LARGE1: variants seen among roughly 807,000 people sequenced by gnomAD.
LARGE1 encodes the protein xylosyl- and glucuronyltransferase LARGE1.
Under a neutral mutation model 87.6 loss-of-function variants are expected in LARGE1, and 43 were observed. That is an observed-to-expected ratio of 0.49 (90% CI 0.38 to 0.63). The LOEUF is 0.63. Ranked by LOEUF, LARGE1 falls within the 30% of genes least tolerant of loss-of-function variation. The probability of loss-of-function intolerance (pLI) is 0.00; values close to 1 mark genes in which losing one functional copy is unlikely to be tolerated. For missense variants in LARGE1, 802 were observed against 1,000.2 expected (o/e 0.80, Z 2.67); for synonymous variants, 434 against 394.6 (o/e 1.10, Z -1.18).
chr22:33,530,461 CTT>C lies in LARGE1; in HGVS notation c.787+34385_787+34386del, dbSNP rs5845091. Among the ~76,000 whole-genome samples, 932 of 128,826 alleles carry C rather than the reference CTT, an allele frequency of 7.2e-3. 6 individuals carry two copies. The highest frequency in any genetic ancestry group is 0.012 in the Middle Eastern group (3 of 244). The allele number at this position is 128,826 out of a possible 152,430, so 84.5% of individuals were successfully genotyped here. A position where few individuals can be genotyped will look rare whatever the true frequency, so the allele number is the denominator to read the frequency against. On this transcript the variant is annotated intron_variant, in intron 6 of 14. Coordinates refer to ENST00000397394, the MANE Select transcript of LARGE1 (RefSeq NM_133642.5). ...CCTATTGGAAAGACTCTTGCTGAGG[CTT>C]TTTTTTTTTTTTTTTTAGCCATCAG...
the LARGE1 span, among the ~76,000 whole-genome samples, chr22:33,068,295 C>T: frequency 1.1e-4 from 16 of 152,086 alleles, no homozygotes; most frequent in Non-Finnish European, 1.9e-4. Flanking sequence ...TCTTCTTTCC[C>T]CCAAATATCT....
intron 11 of LARGE1, among the ~76,000 whole-genome samples, chr22:33,263,400 T>C (rs1466862328): frequency 6.6e-6 from 1 of 152,234 alleles, no homozygotes; most frequent in Admixed American, 6.5e-5. Flanking sequence ...AAGGGAGAAG[T>C]GCTCTTGCTG....
chr22:33,713,024 C>T (rs766489077), intron 2 of LARGE1, among the ~76,000 whole-genome samples: 5 of 152,126 alleles, frequency 3.3e-5, no homozygotes, highest in Non-Finnish European at 7.3e-5. Flanking sequence ...TATGGGACCT[C>T]TCCATCTTGA....
intron 7 of LARGE1, among the ~76,000 whole-genome samples, chr22:33,429,341 C>T (rs1027090969): frequency 6.6e-6 from 1 of 152,180 alleles, no homozygotes; most frequent in Non-Finnish European, 1.5e-5. Flanking sequence ...GGACACATCA[C>T]TTCAACAGGG....
intron 11 of LARGE1, among the ~76,000 whole-genome samples, chr22:33,266,048 C>A (rs1927913445): frequency 6.6e-6 from 1 of 151,836 alleles, no homozygotes; most frequent in African/African-American, 2.4e-5. Flanking sequence ...AGCAAAGATT[C>A]CTTAATCTTG....
chr22:33,761,502 C>T lies in LARGE1; in HGVS notation c.-26G>A, dbSNP rs748658940. ...CCTCTCAGAAGTGGCAATCCCTAAT[C>T]CCAGCGCCGTTTCTCTGTCCGGAGC... On this transcript the variant is annotated 5_prime_UTR_variant, in exon 2 of 15. Coordinates refer to ENST00000397394, the MANE Select transcript of LARGE1 (RefSeq NM_133642.5). 2.5e-6 allele frequency: 4 copies of T among 1,568,752 alleles called. No individual in the cohort carries two copies. The South Asian group carries it at 3.3e-5, about 13-fold the overall frequency.
intron 6 of LARGE1, among the ~76,000 whole-genome samples, chr22:33,517,044 G>A (rs1240691418): frequency 6.6e-6 from 1 of 152,170 alleles, no homozygotes; most frequent in Non-Finnish European, 1.5e-5. Flanking sequence ...TTAAAAAAGG[G>A]ACGAGGAGTG....
chr22:33,098,359 C>T, the LARGE1 span, among the ~76,000 whole-genome samples: 1 of 152,142 alleles, frequency 6.6e-6, no homozygotes, highest in Non-Finnish European at 1.5e-5. Flanking sequence ...GTGGCTCAAG[C>T]CTGTAATCCC....
At chr22:33,404,387 C>T in intron 7 of LARGE1, among the ~76,000 whole-genome samples, 1 of 152,202 alleles carries the variant, frequency 6.6e-6, no homozygotes, top group South Asian at 2.1e-4. Context: ...ATTTGCAATG[C>T]CACATTTATA....
rs1250418344 is a variant in LARGE1 at position 33,626,102 on chromosome 22, C to T, written c.491+142G>A. ...AACATTGTTAACACAATCATCTCCT[C>T]AGGGTTTCAGACAAAAATTACATTT... On this transcript the variant is annotated intron_variant, in intron 4 of 14. Coordinates refer to ENST00000397394, the MANE Select transcript of LARGE1 (RefSeq NM_133642.5). 12 of 724,460 alleles carry T rather than the reference C, an allele frequency of 1.7e-5. No individual in the cohort carries two copies. The Admixed American group carries it at 2.4e-4, about 15-fold the overall frequency. The allele number at this position is 724,460 out of a possible 1,614,324, so 44.9% of individuals were successfully genotyped here.
At chr22:33,651,225 C>CAAAAA (rs71187275) in intron 2 of LARGE1, among the ~76,000 whole-genome samples, 9 of 56,582 alleles carry the variant, frequency 1.6e-4, no homozygotes, top group South Asian at 7.6e-4. Context: ...ACTAAAAATA[C>CAAAAA]AAAAAAAAAA....
At chr22:33,888,621 C>T (rs5749689) in intron 1 of LARGE1, among the ~76,000 whole-genome samples, 65,517 of 152,036 alleles carry the variant, frequency 0.43, 16,527 homozygotes, top group East Asian at 0.99. Context: ...TTTGGGAGGC[C>T]GAGGTGGGAG....
intron 2 of LARGE1, among the ~76,000 whole-genome samples, chr22:33,710,896 A>G (rs1202188600): frequency 6.6e-6 from 1 of 152,220 alleles, no homozygotes; most frequent in African/African-American, 2.4e-5. Context: ...TTTTTTCTCA[A>G]AAGACCAGTT....
intron 6 of LARGE1, among the ~76,000 whole-genome samples, chr22:33,455,167 T>G (rs1214730822): frequency 6.6e-6 from 1 of 152,214 alleles, no homozygotes; most frequent in Non-Finnish European, 1.5e-5. Flanking sequence ...GGCAATAGAT[T>G]GAGGCCTTGT....
Position 33,878,206 on chromosome 22 carries a change from C to T in LARGE1, c.-83+41789G>A, listed in dbSNP as rs185322241. Among the ~76,000 whole-genome samples the T allele has an allele frequency of 3.3e-3, 423 of 126,428 alleles. 4 individuals carry two copies. The highest frequency in any genetic ancestry group is 0.012 in the African/African-American group (399 of 33,324). 82.9% of individuals were successfully genotyped at this position (126,428 alleles called of 152,430 possible). ...AGGCTGGAGCGCAATGGTGTGATCT[C>T]GGCTCACTTCAACCTCCACCTTCTG... On this transcript the variant is annotated intron_variant, in intron 1 of 14. Coordinates refer to ENST00000397394, the MANE Select transcript of LARGE1 (RefSeq NM_133642.5).
intron 3 of LARGE1, among the ~76,000 whole-genome samples, chr22:33,632,430 G>C (rs1229315948): frequency 6.6e-6 from 1 of 152,138 alleles, no homozygotes; most frequent in African/African-American, 2.4e-5. Flanking sequence ...GGTTGAGTCT[G>C]ACCTTTGTAG....
At chr22:33,572,010 G>GC (rs1475270583) in intron 5 of LARGE1, 2 of 339,882 alleles carry the variant, frequency 5.9e-6, no homozygotes, top group East Asian at 1.7e-4. Context: ...ATCTCTCCAG[G>GC]CCTTAATTTT....
intron 6 of LARGE1, among the ~76,000 whole-genome samples, chr22:33,495,375 T>A (rs1269455721): frequency 6.6e-6 from 1 of 152,232 alleles, no homozygotes; most frequent in Non-Finnish European, 1.5e-5. Context: ...GCATGCTATA[T>A]AGTGTAAAAA....
At chr22:33,815,947 C>G (rs2086636231) in intron 1 of LARGE1, among the ~76,000 whole-genome samples, 2 of 152,160 alleles carry the variant, frequency 1.3e-5, no homozygotes, top group Non-Finnish European at 2.9e-5. Flanking sequence ...ATGAGACTAT[C>G]AACTGTTCAT....
Sources: allele counts gnomAD v4.1 joint callset (sites outside exome capture counted in the v4.1 genomes callset), GRCh38; gene constraint gnomAD v4.1.1; transcripts MANE v1.5; gene names NCBI Gene and HGNC (gene_info 2026-07-23, HGNC 2026-07-21).